LHFPL2: variants seen among roughly 807,000 people sequenced by gnomAD.
The protein encoded by LHFPL2 is LHFPL tetraspan subfamily member 2 protein.
In LHFPL2, 7 loss-of-function variants were observed where a neutral mutation model predicts 17.5. The observed-to-expected ratio is 0.40, with a 90% CI of 0.23 to 0.75. The LOEUF (loss-of-function observed/expected upper bound fraction) is 0.75. Ranked by LOEUF, LHFPL2 falls within the 30% of genes least tolerant of loss-of-function variation. LHFPL2 has a pLI of 0.37. For missense variants in LHFPL2, 241 were observed against 294.8 expected (o/e 0.82, Z 1.34); for synonymous variants, 134 against 116.2 (o/e 1.15, Z -0.99).
At chr5:78,644,531 A>G in intron 1 of LHFPL2, 1 of 575,764 alleles carries the variant, frequency 1.7e-6, no homozygotes, top group South Asian at 2.1e-5. Context: ...CGACACTCAG[A>G]ATAGAACAAG....
At chr5:78,630,525 G>A (rs898045690) in intron 2 of LHFPL2, among the ~76,000 whole-genome samples, 3 of 152,084 alleles carry the variant, frequency 2.0e-5, no homozygotes, top group Admixed American at 6.6e-5. Flanking sequence ...GAACCCCTGG[G>A]AAACTTGAAG....
rs1460399258 is a variant in LHFPL2 at position 78,489,016 on chromosome 5, C to G, written c.568G>C (p.Gly190Arg). 1 of 1,614,186 alleles carries G rather than the reference C, an allele frequency of 6.2e-7. No individual in the cohort carries two copies. Among genetic ancestry groups the G allele is most frequent in the South Asian group, 1.1e-5 (1 of 91,070 alleles). Residue 190 changes from glycine (G) to arginine (R), a missense_variant, in exon 5 of 5, where the codon GGG becomes CGG. Gly to Arg is a moderately radical substitution (Grantham distance 125). Coordinates refer to ENST00000380345, the MANE Select transcript of LHFPL2 (RefSeq NM_005779.3). ...CAGATGAAAGTGAGGACTGTGCCCCCAATGGCGGTATAAAAGGCCCAGCCC... is the reference window on the plus strand; with the variant it reads ...CAGATGAAAGTGAGGACTGTGCCCCGAATGGCGGTATAAAAGGCCCAGCCC... Reference protein sequence around the residue: ...SLGWAFYTAIGGTVLTFICAV... With the variant: ...SLGWAFYTAIRGTVLTFICAV...
chr5:78,548,122 G>A (rs539017610), intron 3 of LHFPL2, among the ~76,000 whole-genome samples: 188 of 152,330 alleles, frequency 1.2e-3, no homozygotes, highest in Middle Eastern at 3.4e-3. Flanking sequence ...AGGTCCTTCT[G>A]GTTCTTCCCA....
chr5:78,621,962 C>A (rs1158749178), intron 2 of LHFPL2, among the ~76,000 whole-genome samples: 1 of 152,152 alleles, frequency 6.6e-6, no homozygotes, highest in Non-Finnish European at 1.5e-5. Context: ...GTCAGTGTTC[C>A]TCCCGAGAAA....
intron 1 of LHFPL2, among the ~76,000 whole-genome samples, chr5:78,634,120 C>A (rs59377852): frequency 5.3e-5 from 8 of 151,990 alleles, no homozygotes; most frequent in African/African-American, 1.5e-4. Flanking sequence ...CCCCTCCCCC[C>A]AAAAAAAGCA....
At chr5:78,576,060 C>T (rs1427198305) in intron 2 of LHFPL2, among the ~76,000 whole-genome samples, 1 of 152,150 alleles carries the variant, frequency 6.6e-6, no homozygotes, top group Non-Finnish European at 1.5e-5. Flanking sequence ...CTTTGGGAGG[C>T]CGAGGCGGGT....
In LHFPL2 at chr5:78,585,005, T is replaced by G. The variant is rs1374780342; in HGVS notation, c.-244-20134A>C. Among the ~76,000 whole-genome samples, 5 of 51,248 alleles carry G rather than the reference T, an allele frequency of 9.8e-5. 1 individual carries two copies. Among genetic ancestry groups the G allele is most frequent in the Non-Finnish European group, 1.6e-4 (3 of 18,722 alleles). The allele number at this position is 51,248 out of a possible 152,430, so 33.6% of individuals were successfully genotyped here. On this transcript the variant is annotated intron_variant, in intron 2 of 4. Transcript: ENST00000380345. ...CTCCTGGTGCGCTGTGTTTTTTTTT[T>G]TTTTTTTTTTTTTTTTTTTGAGACG...
intron 2 of LHFPL2, among the ~76,000 whole-genome samples, chr5:78,585,386 AC>A (rs892904292): frequency 5.3e-5 from 8 of 151,288 alleles, no homozygotes; most frequent in Non-Finnish European, 7.4e-5. Flanking sequence ...GCCGTCTGTC[AC>A]CCCTTTCTTT....
At chr5:78,547,400 A>C (rs753182149) in intron 3 of LHFPL2, among the ~76,000 whole-genome samples, 5 of 152,226 alleles carry the variant, frequency 3.3e-5, no homozygotes, top group Non-Finnish European at 5.9e-5. Context: ...TCCTAGGACC[A>C]CAGTGTTTAC....
intron 4 of LHFPL2, among the ~76,000 whole-genome samples, chr5:78,500,598 A>C (rs995191797): frequency 2.0e-5 from 3 of 152,214 alleles, no homozygotes; most frequent in Non-Finnish European, 4.4e-5. Context: ...TGTCTTCCCC[A>C]GATGCCAGAT....
intron 3 of LHFPL2, among the ~76,000 whole-genome samples, chr5:78,538,724 C>T (rs1027512787): frequency 1.3e-5 from 2 of 152,212 alleles, no homozygotes; most frequent in African/African-American, 2.4e-5. Flanking sequence ...CACACCTGCA[C>T]GGGCACAGTT....
chr5:78,634,294 C>G (rs1745353630), intron 1 of LHFPL2, among the ~76,000 whole-genome samples: 1 of 152,204 alleles, frequency 6.6e-6, no homozygotes, highest in Non-Finnish European at 1.5e-5. Flanking sequence ...AGGGCCTGCC[C>G]CCAACACCAA....
chr5:78,576,489 C>A (rs1757140675), intron 2 of LHFPL2, among the ~76,000 whole-genome samples: 1 of 152,160 alleles, frequency 6.6e-6, no homozygotes, highest in African/African-American at 2.4e-5. Context: ...GTCCTCCCCA[C>A]AGGTGCTCAT....
intron 2 of LHFPL2, among the ~76,000 whole-genome samples, chr5:78,576,672 T>C (rs891979100): frequency 6.6e-6 from 1 of 152,250 alleles, no homozygotes; most frequent in African/African-American, 2.4e-5. Flanking sequence ...ATTCCACTAA[T>C]AACCTTTTCT....
At chr5:78,571,600 G>A (rs1177733460) in intron 2 of LHFPL2, among the ~76,000 whole-genome samples, 2 of 152,132 alleles carry the variant, frequency 1.3e-5, no homozygotes, top group Admixed American at 1.3e-4. Flanking sequence ...TCCTTGACTG[G>A]GAAGGACTAA....
chr5:78,533,320 TTCTA>T (rs1755841445), intron 3 of LHFPL2, among the ~76,000 whole-genome samples: 2 of 152,238 alleles, frequency 1.3e-5, no homozygotes, highest in Admixed American at 6.5e-5. Flanking sequence ...TGAAGCTCTG[TTCTA>T]TCTATTAGGT....
intron 4 of LHFPL2, among the ~76,000 whole-genome samples, chr5:78,500,136 CA>C (rs1329938996): frequency 6.6e-6 from 1 of 152,084 alleles, no homozygotes; most frequent in Non-Finnish European, 1.5e-5. Flanking sequence ...ATGCCATCCA[CA>C]AAATCACCCA....
chr5:78,516,111 T>C (rs1362212756), intron 3 of LHFPL2, among the ~76,000 whole-genome samples: 1 of 152,160 alleles, frequency 6.6e-6, no homozygotes, highest in African/African-American at 2.4e-5. Context: ...TTTGCATGAC[T>C]TAAAAAAAAA....
At chr5:78,554,616 A>ATAAGGGAAGGCAGACC (rs1260166105) in intron 3 of LHFPL2, among the ~76,000 whole-genome samples, 1 of 152,238 alleles carries the variant, frequency 6.6e-6, no homozygotes, top group East Asian at 1.9e-4. Context: ...CTTGATACAG[A>ATAAGGGAAGGCAGACC]TAAGGGAAGG....
Sources: allele counts gnomAD v4.1 joint callset (sites outside exome capture counted in the v4.1 genomes callset), GRCh38; gene constraint gnomAD v4.1.1; transcripts MANE v1.5; gene names NCBI Gene and HGNC (gene_info 2026-07-23, HGNC 2026-07-21).